The following STPG2 variants were observed in gnomAD, a reference collection of about 807,000 sequenced individuals.
STPG2 encodes the protein sperm tail PG-rich repeat containing 2.
In STPG2, 56 loss-of-function variants were observed where a neutral mutation model predicts 54.2. That is an observed-to-expected ratio of 1.03 (90% CI 0.83 to 1.29). STPG2 has a LOEUF of 1.29. Among genes scored for constraint, STPG2 ranks in the 50% most tolerant of loss-of-function variants. The pLI is 0.00. For synonymous variants in STPG2, 200 were observed against 181.8 expected, an observed-to-expected ratio of 1.10 and a Z score of -0.81; for missense variants, 596 against 544.9, an observed-to-expected ratio of 1.09 and a Z score of -0.93.
chr4:98,113,009 CTA>C (rs1739406405), intron 3 of STPG2, among the ~76,000 whole-genome samples: 3 of 112,278 alleles, frequency 2.7e-5, no homozygotes, highest in Non-Finnish European at 5.6e-5. Context: ...TGTGAAGAAA[CTA>C]TGAAAAAAAA....
At chr4:97,565,779 A>G (rs181157183) in intron 10 of STPG2, among the ~76,000 whole-genome samples, 12 of 152,156 alleles carry the variant, frequency 7.9e-5, no homozygotes, top group Admixed American at 2.0e-4. Flanking sequence ...CTGCTGTCTG[A>G]TCGTTCCTCT....
rs142341319 is a variant in STPG2, at chr4:97,941,820, C to G, written c.1044+2077G>C. Among the ~76,000 whole-genome samples the G allele has an allele frequency of 2.5e-3, 386 of 151,940 alleles. 3 individuals are homozygous for G. Among genetic ancestry groups the G allele is most frequent in the African/African-American group, 8.7e-3 (362 of 41,508 alleles). ...TTTTTCATTACATACACATTATACA[C>G]CCACCTGTTTGAAGTGTATTGTCAT... On this transcript the variant is annotated intron_variant, in intron 8 of 10. Coordinates refer to ENST00000295268, the MANE Select transcript of STPG2 (RefSeq NM_174952.3).
intron 8 of STPG2, among the ~76,000 whole-genome samples, chr4:97,867,691 T>C (rs1417819265): frequency 6.6e-6 from 1 of 152,072 alleles, no homozygotes; most frequent in Non-Finnish European, 1.5e-5. Flanking sequence ...CCAGGACTGA[T>C]GCAGCAGTCC....
At chr4:98,015,817 T>C (rs887977518) in intron 5 of STPG2, among the ~76,000 whole-genome samples, 1 of 152,002 alleles carries the variant, frequency 6.6e-6, no homozygotes, top group African/African-American at 2.4e-5. Context: ...CAAATGTCCA[T>C]CAATGACAAA....
At chr4:97,946,629 G>A (rs1439861781) in intron 7 of STPG2, among the ~76,000 whole-genome samples, 6 of 152,062 alleles carry the variant, frequency 3.9e-5, no homozygotes, top group East Asian at 1.9e-4. Context: ...AGTTTTCCCA[G>A]GACCATTTAT....
chr4:97,632,148 A>C (rs530469383), intron 10 of STPG2, among the ~76,000 whole-genome samples: 3 of 152,182 alleles, frequency 2.0e-5, no homozygotes, highest in African/African-American at 7.2e-5. Context: ...TAAAGTTAAA[A>C]GTAAGTTATC....
At chr4:98,011,868 A>G (rs1186317328) in intron 5 of STPG2, among the ~76,000 whole-genome samples, 1 of 152,228 alleles carries the variant, frequency 6.6e-6, no homozygotes, top group Non-Finnish European at 1.5e-5. Flanking sequence ...GACCTTTGTC[A>G]GATGGGTAGA....
chr4:97,704,516 G>A (rs1203426093), intron 10 of STPG2, among the ~76,000 whole-genome samples: 1 of 152,116 alleles, frequency 6.6e-6, no homozygotes, highest in Non-Finnish European at 1.5e-5. Flanking sequence ...AGAATATCAA[G>A]AGTTCTGTCA....
chr4:97,875,225 G>T (rs1578645766), intron 8 of STPG2, among the ~76,000 whole-genome samples: 1 of 151,868 alleles, frequency 6.6e-6, no homozygotes, highest in South Asian at 2.1e-4. Context: ...TAGAATATCT[G>T]GGTCTTTGGT....
At chr4:97,938,326 C>T (rs1241741988) in intron 8 of STPG2, among the ~76,000 whole-genome samples, 1 of 152,246 alleles carries the variant, frequency 6.6e-6, no homozygotes, top group Admixed American at 6.5e-5. Context: ...CTGCCAGCAG[C>T]CACAGTGATA....
chr4:98,042,340 C>A (rs1736987742), intron 5 of STPG2, among the ~76,000 whole-genome samples: 1 of 150,442 alleles, frequency 6.6e-6, no homozygotes, highest in African/African-American at 2.4e-5. Context: ...CTACTCTGAT[C>A]TTTGTTCTTT....
rs1042471273 is a variant in STPG2, at chr4:98,040,711, T to C, written c.613-59393A>G. 1.3e-4 allele frequency among the ~76,000 whole-genome samples: 20 copies of C among 151,990 alleles called. 1 individual carries two copies. Among genetic ancestry groups the C allele is most frequent in the Non-Finnish European group, 2.9e-5 (2 of 67,910 alleles). ...TATACCAGTACCATGCTATTTTGGTTACTTAGCCTTGTATTAAGACTATAA... is the reference window on the plus strand; with the variant it reads ...TATACCAGTACCATGCTATTTTGGTCACTTAGCCTTGTATTAAGACTATAA... On this transcript the variant is annotated intron_variant, in intron 5 of 10. Transcript: ENST00000295268.
intron 9 of STPG2, among the ~76,000 whole-genome samples, chr4:97,823,138 T>A (rs1337537921): frequency 2.0e-5 from 3 of 152,192 alleles, no homozygotes; most frequent in Admixed American, 6.5e-5. Context: ...GCTAACATCA[T>A]TTATGAAAGT....
intron 8 of STPG2, among the ~76,000 whole-genome samples, chr4:97,847,848 C>T (rs1454608341): frequency 2.0e-5 from 3 of 152,174 alleles, no homozygotes; most frequent in Non-Finnish European, 4.4e-5. Flanking sequence ...CTTTCTCTCG[C>T]ATATCTAAAA....
intron 4 of STPG2, among the ~76,000 whole-genome samples, chr4:97,490,471 C>T (rs1730480674): frequency 6.6e-6 from 1 of 151,518 alleles, no homozygotes; most frequent in Non-Finnish European, 1.5e-5. Context: ...TCCTCCATCC[C>T]TCCCAAAAAT....
chr4:97,857,823 A>C (rs1729382533), intron 8 of STPG2, among the ~76,000 whole-genome samples: 1 of 152,100 alleles, frequency 6.6e-6, no homozygotes, highest in Admixed American at 6.6e-5. Flanking sequence ...GAATTCTATC[A>C]GATAAATTTA....
chr4:97,584,116 C>T (rs760161170), intron 10 of STPG2, among the ~76,000 whole-genome samples: 2 of 151,884 alleles, frequency 1.3e-5, no homozygotes, highest in Non-Finnish European at 2.9e-5. Flanking sequence ...CCCCAAGATA[C>T]ACCACATGAT....
At chr4:98,132,569 C>T (rs1276365824) in intron 2 of STPG2, among the ~76,000 whole-genome samples, 2 of 151,784 alleles carry the variant, frequency 1.3e-5, no homozygotes, top group Non-Finnish European at 2.9e-5. Context: ...ACGTTTCTCC[C>T]GGTTTTGTAG....
At chr4:97,993,007 A>G (rs1735070291) in intron 5 of STPG2, among the ~76,000 whole-genome samples, 1 of 152,142 alleles carries the variant, frequency 6.6e-6, no homozygotes, top group Non-Finnish European at 1.5e-5. Context: ...CTTCAGGTAT[A>G]TGATAATGTC....
Sources: allele counts gnomAD v4.1 joint callset (sites outside exome capture counted in the v4.1 genomes callset), GRCh38; gene constraint gnomAD v4.1.1; transcripts MANE v1.5; gene names NCBI Gene and HGNC (gene_info 2026-07-23, HGNC 2026-07-21).